The following FAM184B variants were observed in gnomAD, a reference collection of about 807,000 sequenced individuals.
FAM184B encodes protein FAM184B.
A neutral mutation model predicts 135.9 loss-of-function variants in FAM184B; 111 were observed. The ratio of observed to expected loss-of-function variants is 0.82; its 90% confidence interval spans 0.70 to 0.96. The LOEUF is 0.96. Among genes scored for constraint, FAM184B ranks in the 40% least tolerant of loss-of-function variants. FAM184B has a pLI of 0.00. For synonymous variants in FAM184B, 552 were observed against 524.8 expected (o/e 1.05, Z -0.71); for missense variants, 1,375 against 1,323.9 (o/e 1.04, Z -0.60).
At chr4:17,684,406 C>A (rs753606510) in intron 7 of FAM184B, among the ~76,000 whole-genome samples, 1 of 151,958 alleles carries the variant, frequency 6.6e-6, no homozygotes, top group Non-Finnish European at 1.5e-5. Flanking sequence ...CCAATGTATA[C>A]CTTTATATAC....
chr4:17,677,104 G>A lies in FAM184B; in HGVS notation c.1596+11320C>T, dbSNP rs187397101. Among the ~76,000 whole-genome samples, 1,465 of 152,194 alleles carry A rather than the reference G, an allele frequency of 9.6e-3. 15 individuals carry two copies. Among genetic ancestry groups the A allele is most frequent in the Middle Eastern group, 0.017 (5 of 290 alleles). ...GCTCTGTTGCCCAGGCTGGAGTACA[G>A]TGGCACAATCTCAGCTAACTGCAAC... is the stretch of plus-strand genomic sequence containing the variant. On this transcript the variant is annotated intron_variant, in intron 7 of 17. Transcript: ENST00000265018.
chr4:17,721,406 A>AAAAAAAC (rs1560185395), intron 1 of FAM184B, among the ~76,000 whole-genome samples: 1 of 143,300 alleles, frequency 7.0e-6, no homozygotes, highest in Non-Finnish European at 1.5e-5. Context: ...AAAAAAAAAA[A>AAAAAAAC]TCTCTTTGCC....
intron 8 of FAM184B, 63 bp from the exon 9 acceptor site, chr4:17,660,150 C>G: frequency 6.6e-7 from 1 of 1,515,842 alleles, no homozygotes; most frequent in Non-Finnish European, 8.9e-7. Flanking sequence ...ACTGCCACTC[C>G]GATAACGTGC....
At position 17,781,028 on chromosome 4, in the gene FAM184B, T is replaced by G. The variant is rs1577300859; in HGVS notation, c.141+131A>C. ...TCACCCAGATTTAGGACCGCTTCCC[T>G]TCCCGGTTGGCCTCCGAGACAAAGT... On this transcript the variant is annotated intron_variant, in intron 1 of 17. Coordinates refer to ENST00000265018, the MANE Select transcript of FAM184B (RefSeq NM_015688.2). This position sits in a 1 kb window ranked among gnomAD's most constrained non-coding sequence, Gnocchi z 6.5. 3 of 1,189,130 alleles carry G rather than the reference T, an allele frequency of 2.5e-6. No homozygotes were observed. In the African/African-American group the frequency reaches 4.7e-5, roughly 19 times the overall value. 73.7% of individuals were successfully genotyped at this position (1,189,130 alleles called of 1,614,324 possible). A position where few individuals can be genotyped will look rare whatever the true frequency, so the allele number is the denominator to read the frequency against.
intron 1 of FAM184B, among the ~76,000 whole-genome samples, chr4:17,760,404 A>G (rs1252071540): frequency 6.6e-6 from 1 of 151,096 alleles, no homozygotes; most frequent in Non-Finnish European, 1.5e-5. Context: ...TGGGAGGCGG[A>G]GGTTGCAGTG....
intron 7 of FAM184B, among the ~76,000 whole-genome samples, chr4:17,674,106 G>T (rs781449814): frequency 2.0e-5 from 3 of 151,360 alleles, no homozygotes; most frequent in African/African-American, 7.3e-5. Context: ...CATTAGAAAA[G>T]GTAAATATAT....
chr4:17,693,076 C>A (rs1042194243), intron 6 of FAM184B, among the ~76,000 whole-genome samples: 1 of 152,044 alleles, frequency 6.6e-6, no homozygotes, highest in East Asian at 1.9e-4. Context: ...CCAACACCAG[C>A]GGCCTCCTGT....
intron 16 of FAM184B, 146 bp downstream of exon 16, chr4:17,634,863 G>GCCATAGATAT (rs2108925719): frequency 1.8e-6 from 1 of 558,206 alleles, no homozygotes; most frequent in East Asian, 3.0e-5. Flanking sequence ...AATCCGCCCA[G>GCCATAGATAT]CCATAGATAT....
chr4:17,663,373 G>A (rs993553722), intron 8 of FAM184B, among the ~76,000 whole-genome samples: 2 of 152,072 alleles, frequency 1.3e-5, no homozygotes, highest in Non-Finnish European at 2.9e-5. Context: ...CGGTAATCAG[G>A]CAAGAGAAAG....
At chr4:17,638,382 G>A (rs1006529764) in intron 14 of FAM184B, among the ~76,000 whole-genome samples, 15 of 151,260 alleles carry the variant, frequency 9.9e-5, no homozygotes, top group South Asian at 8.4e-4. Context: ...TTGTAGAGAC[G>A]GAGTTTCACA....
chr4:17,747,106 A>G (rs1718184198), intron 1 of FAM184B, among the ~76,000 whole-genome samples: 1 of 151,820 alleles, frequency 6.6e-6, no homozygotes, highest in African/African-American at 2.4e-5. Context: ...CTTAAGTTCT[A>G]CACAAATTAT....
chr4:17,642,446 A>G lies in FAM184B; in HGVS notation c.2347-218T>C, dbSNP rs111632323. The stretch of plus-strand genomic sequence containing the variant: ...CCAAATCTGGCCCTTAGAGTTTAAT[A>G]AAACTGCTGAGCTAAGAATGGGTCT... On this transcript the variant is annotated intron_variant, in intron 12 of 17. Coordinates refer to ENST00000265018, the MANE Select transcript of FAM184B (RefSeq NM_015688.2). 1.2e-4 allele frequency among the ~76,000 whole-genome samples: 18 copies of G among 152,282 alleles called. 1 individual carries two copies. The highest frequency in any genetic ancestry group is 3.8e-4 in the African/African-American group (16 of 41,562).
intron 1 of FAM184B, among the ~76,000 whole-genome samples, chr4:17,775,254 T>G (rs1407827009): frequency 6.6e-6 from 1 of 152,004 alleles, no homozygotes; most frequent in Non-Finnish European, 1.5e-5. Flanking sequence ...GGTGCTGTCT[T>G]GGCTCACTGC....
chr4:17,709,395 C>G lies in FAM184B; in HGVS notation c.391G>C (p.Glu131Gln). The G allele has an allele frequency of 6.6e-7, 1 of 1,523,468 alleles. No individual in the cohort carries two copies. Among genetic ancestry groups the G allele is most frequent in the Middle Eastern group, 1.7e-4 (1 of 5,860 alleles). 94.4% of individuals were successfully genotyped at this position (1,523,468 alleles called of 1,614,324 possible). ...TCTGCCTCCACCCTCAGCTCTCTCT[C>G]CTTCGTCTCCAGCCTGCACGAGGCC... ...ESASCRLETK[E>Q]RELRVEAEHA... Residue 131 changes from glutamate to glutamine, a missense_variant, in exon 2 of 18, where the codon GAG (glutamate) becomes CAG (glutamine). By Grantham distance (29) the Glu-to-Gln change is conservative. Transcript: ENST00000265018.
At chr4:17,633,925 G>T (rs1447385028) in intron 16 of FAM184B, 37 bp from the exon 17 acceptor site, 1 of 1,322,738 alleles carries the variant, frequency 7.6e-7, no homozygotes, top group Non-Finnish European at 9.8e-7. Context: ...GCAATGCAAT[G>T]CAAAAAACAA....
chr4:17,633,608 C>T, intron 17 of FAM184B, 81 bp downstream of exon 17: 1 of 1,257,146 alleles, frequency 8.0e-7, no homozygotes, highest in Non-Finnish European at 1.0e-6. Flanking sequence ...AATTTGGTAC[C>T]AGGTGCTAGA....
chr4:17,778,824 A>T (rs1172202514), intron 1 of FAM184B, among the ~76,000 whole-genome samples: 1 of 152,168 alleles, frequency 6.6e-6, no homozygotes, highest in Non-Finnish European at 1.5e-5. Flanking sequence ...GTGCCACTAC[A>T]CTCCAGCCTG....
At chr4:17,751,220 A>G (rs1718282971) in intron 1 of FAM184B, among the ~76,000 whole-genome samples, 1 of 150,480 alleles carries the variant, frequency 6.6e-6, no homozygotes, top group African/African-American at 2.4e-5. Context: ...AGGCCGGAGA[A>G]TCACTTGAAC....
At chr4:17,733,399 G>A (rs891177075) in intron 1 of FAM184B, among the ~76,000 whole-genome samples, 1 of 152,184 alleles carries the variant, frequency 6.6e-6, no homozygotes, top group African/African-American at 2.4e-5. Flanking sequence ...AATTGTCCCT[G>A]TTTGCAGATG....
Sources: gnomAD v4.1 joint callset for allele counts (sites outside exome capture counted in the v4.1 genomes callset) on GRCh38, gnomAD v4.1.1 for gene constraint, Gnocchi (gnomAD v3.1) non-coding constraint, MANE v1.5 for transcripts, NCBI Gene and HGNC (gene_info 2026-07-23, HGNC 2026-07-21) for gene names.